Variants in PLCB1 observed in about 807,000 individuals in gnomAD.
PLCB1 encodes the protein 1-phosphatidylinositol 4,5-bisphosphate phosphodiesterase beta-1.
In PLCB1, 46 loss-of-function variants were observed where a neutral mutation model predicts 161.8. The observed-to-expected ratio is 0.28, with a 90% CI of 0.22 to 0.36. PLCB1 has a LOEUF of 0.36. PLCB1 is among the 10% of genes least tolerant of loss of function. The pLI is 1.00. For missense variants in PLCB1, 1,016 were observed against 1,472.5 expected, an observed-to-expected ratio of 0.69 and a Z score of 5.07; for synonymous variants, 517 against 503.7, an observed-to-expected ratio of 1.03 and a Z score of -0.35.
At chr20:8,764,965 A>G (rs774540856) in intron 25 of PLCB1, among the ~76,000 whole-genome samples, 174 bp from the exon 26 acceptor site, 6 of 152,182 alleles carry the variant, frequency 3.9e-5, no homozygotes, top group Non-Finnish European at 8.8e-5. Flanking sequence ...CATAGTCTCA[A>G]AGTTAGCAAG....
chr20:8,643,364 C>G (rs949046709), intron 4 of PLCB1, among the ~76,000 whole-genome samples: 2 of 152,204 alleles, frequency 1.3e-5, no homozygotes, highest in African/African-American at 4.8e-5. Context: ...CCCCCTCCCT[C>G]TTTTCTAATT....
intron 2 of PLCB1, among the ~76,000 whole-genome samples, chr20:8,284,239 A>G (rs1983008178): frequency 6.6e-6 from 1 of 152,074 alleles, no homozygotes; most frequent in Admixed American, 6.6e-5. Context: ...AATGACTAGA[A>G]CATATATTTT....
At chr20:8,717,100 C>T (rs1301844970) in intron 13 of PLCB1, among the ~76,000 whole-genome samples, 1 of 152,182 alleles carries the variant, frequency 6.6e-6, no homozygotes, top group African/African-American at 2.4e-5. Flanking sequence ...CAAAATAAGG[C>T]TTGCAAATGT....
In PLCB1 at chr20:8,757,274, C is replaced by G. The variant is rs112744022; in HGVS notation, c.2656+96C>G. 5 of 1,300,000 alleles carry G rather than the reference C, an allele frequency of 3.8e-6. No individual in the cohort carries two copies. The African/African-American group carries it at 5.9e-5, about 15-fold the overall frequency. The allele number at this position is 1,300,000 out of a possible 1,614,324, so 80.5% of individuals were successfully genotyped here. On this transcript the variant is annotated intron_variant, in intron 24 of 31. Transcript: ENST00000338037. ...GCTGTGATGTGGGTAGCTAAAGCAT[C>G]AAGTGGGGAAAGATGTGTGGACTTA...
intron 3 of PLCB1, among the ~76,000 whole-genome samples, chr20:8,412,168 T>G (rs532568420): frequency 6.6e-6 from 1 of 152,366 alleles, no homozygotes; most frequent in African/African-American, 2.4e-5. Flanking sequence ...ACAGTAAAGC[T>G]GCATAACAAA....
chr20:8,750,931 C>CAA, intron 23 of PLCB1: 23 of 487,290 alleles, frequency 4.7e-5, no homozygotes, highest in Non-Finnish European at 6.5e-5. Flanking sequence ...AAGAACTGCA[C>CAA]TCTTTTTTTT....
At chr20:8,304,636 T>TTG (rs143282077) in intron 2 of PLCB1, among the ~76,000 whole-genome samples, 227 of 150,506 alleles carry the variant, frequency 1.5e-3, no homozygotes, top group African/African-American at 4.5e-3. Flanking sequence ...TGAGAGTGCT[T>TTG]TGTGTGTGTG....
intron 2 of PLCB1, among the ~76,000 whole-genome samples, chr20:8,285,357 C>T (rs1486218145): frequency 6.6e-6 from 1 of 151,508 alleles, no homozygotes; most frequent in African/African-American, 2.4e-5. Context: ...TATTCCTTTT[C>T]ATATTTATTC....
In PLCB1 at chr20:8,749,021, G is replaced by A. The variant is rs868315389; in HGVS notation, c.2523+7448G>A. Reference sequence around the variant, plus strand: ...TACAATGCAGATTCAGATTCAGTAGGTCTGGCACAGATCACAAAACACCGC... The same window carrying A: ...TACAATGCAGATTCAGATTCAGTAGATCTGGCACAGATCACAAAACACCGC... On this transcript the variant is annotated intron_variant, in intron 23 of 31. Coordinates refer to ENST00000338037, the MANE Select transcript of PLCB1 (RefSeq NM_015192.4). 3.5e-4 allele frequency among the ~76,000 whole-genome samples: 54 copies of A among 152,192 alleles called. 1 individual carries two copies. Among genetic ancestry groups the A allele is most frequent in the African/African-American group, 1.2e-3 (51 of 41,524 alleles).
intron 3 of PLCB1, among the ~76,000 whole-genome samples, chr20:8,570,206 A>G (rs1986461212): frequency 6.6e-6 from 1 of 152,140 alleles, no homozygotes; most frequent in Non-Finnish European, 1.5e-5. Flanking sequence ...TCATCTTACT[A>G]TCAGCTACAA....
At chr20:8,372,348 C>T (rs1986929913) in intron 3 of PLCB1, among the ~76,000 whole-genome samples, 1 of 151,168 alleles carries the variant, frequency 6.6e-6, no homozygotes, top group African/African-American at 2.4e-5. Flanking sequence ...TTTGGAGATG[C>T]AAGAAAAAAA....
intron 27 of PLCB1, among the ~76,000 whole-genome samples, chr20:8,786,653 A>G (rs1983499955): frequency 6.6e-6 from 1 of 152,064 alleles, no homozygotes; most frequent in South Asian, 2.1e-4. Flanking sequence ...CGCATAGGGC[A>G]ATTCTCAGAA....
chr20:8,260,110 A>G (rs779669036), intron 2 of PLCB1, among the ~76,000 whole-genome samples: 7 of 147,104 alleles, frequency 4.8e-5, no homozygotes, highest in Non-Finnish European at 9.0e-5. Context: ...TTTTTTTTTC[A>G]GACAGTGTTG....
chr20:8,724,758 T>C lies in PLCB1; in HGVS notation c.1678+6T>C. ...GTCATTTGAAATTTCAAAAAGTAAG[T>C]TTTCCCTGGAGAAAAACCCCTCTTG... On this transcript the variant is annotated splice_donor_region_variant and intron_variant, in intron 16 of 31. Coordinates refer to ENST00000338037, the MANE Select transcript of PLCB1 (RefSeq NM_015192.4). 1 of 1,532,760 alleles carries C rather than the reference T, an allele frequency of 6.5e-7. No individual in the cohort carries two copies. The highest frequency in any genetic ancestry group is 9.0e-7 in the Non-Finnish European group (1 of 1,107,292). The allele number at this position is 1,532,760 out of a possible 1,614,324, so 94.9% of individuals were successfully genotyped here.
At chr20:8,850,754 A>G (rs145893202) in intron 31 of PLCB1, among the ~76,000 whole-genome samples, 1 of 152,310 alleles carries the variant, frequency 6.6e-6, no homozygotes, top group East Asian at 1.9e-4. Context: ...CCAGACGCCA[A>G]ATCTTCTGGT....
intron 4 of PLCB1, among the ~76,000 whole-genome samples, chr20:8,639,894 A>G (rs1239554238): frequency 1.8e-5 from 1 of 56,272 alleles, no homozygotes; most frequent in Non-Finnish European, 4.3e-5. Flanking sequence ...AGAAGACAAG[A>G]AAAAAAAAAA....
At chr20:8,859,016 A>C (rs763347368) in intron 31 of PLCB1, among the ~76,000 whole-genome samples, 1 of 152,040 alleles carries the variant, frequency 6.6e-6, no homozygotes, top group African/African-American at 2.4e-5. Flanking sequence ...AATCTCTCAG[A>C]TTGCCACCTG....
At chr20:8,304,419 G>T (rs1434260376) in intron 2 of PLCB1, among the ~76,000 whole-genome samples, 2 of 151,796 alleles carry the variant, frequency 1.3e-5, no homozygotes, top group African/African-American at 2.4e-5. Context: ...AGCTCAGCCA[G>T]TTTTCATTTT....
At chr20:8,193,404 A>C (rs532904251) in intron 2 of PLCB1, among the ~76,000 whole-genome samples, 1 of 152,042 alleles carries the variant, frequency 6.6e-6, no homozygotes, top group East Asian at 1.9e-4. Flanking sequence ...TAAAAGAAAA[A>C]ATTTTTAAAA....
Sources: gnomAD v4.1 joint callset for allele counts (sites outside exome capture counted in the v4.1 genomes callset) on GRCh38, gnomAD v4.1.1 for gene constraint, MANE v1.5 for transcripts, NCBI Gene and HGNC (gene_info 2026-07-23, HGNC 2026-07-21) for gene names.